PHF14: variants seen among roughly 807,000 people sequenced by gnomAD.
The protein encoded by PHF14 is PHD finger protein 14.
A neutral mutation model predicts 117.9 loss-of-function variants in PHF14; 55 were observed. The observed-to-expected ratio is 0.47, with a 90% CI of 0.38 to 0.58. The LOEUF is 0.58. Ranked by LOEUF, PHF14 falls within the 20% of genes least tolerant of loss-of-function variation. PHF14 has a pLI of 0.00. For synonymous variants in PHF14, 409 were observed against 368.6 expected (o/e 1.11, Z -1.26); for missense variants, 978 against 1,122.2 (o/e 0.87, Z 1.84).
At chr7:11,070,501 T>C (rs1341248154) in intron 16 of PHF14, among the ~76,000 whole-genome samples, 2 of 152,228 alleles carry the variant, frequency 1.3e-5, no homozygotes, top group Non-Finnish European at 2.9e-5. Flanking sequence ...TGTAACTATT[T>C]GCATAGGACT....
chr7:11,049,390 G>A (rs1032916626), intron 13 of PHF14, among the ~76,000 whole-genome samples: 3 of 151,140 alleles, frequency 2.0e-5, no homozygotes, highest in Non-Finnish European at 4.4e-5. Context: ...CAGGAGAATC[G>A]CTTGAATGGG....
intron 5 of PHF14, chr7:11,014,892 T>A (rs955473850): frequency 1.3e-5 from 2 of 152,004 alleles, no homozygotes; most frequent in African/African-American, 2.4e-5. Flanking sequence ...TTCCATGTTT[T>A]TTTTTTTTTT....
intron 2 of PHF14, 50 bp from the exon 3 acceptor site, chr7:10,982,321 TG>T: frequency 8.6e-7 from 1 of 1,166,522 alleles, no homozygotes; most frequent in Non-Finnish European, 1.2e-6. Context: ...TGTGTGTGTG[TG>T]TGTATGTATA....
intron 17 of PHF14, among the ~76,000 whole-genome samples, chr7:11,118,753 G>C (rs554426332): frequency 9.6e-4 from 146 of 151,878 alleles, no homozygotes; most frequent in Admixed American, 1.8e-3. Context: ...ATTGGAATCA[G>C]TATTGATCTG....
At chr7:11,058,725 AT>A (rs1488819853) in intron 14 of PHF14, among the ~76,000 whole-genome samples, 1 of 152,152 alleles carries the variant, frequency 6.6e-6, no homozygotes, top group East Asian at 1.9e-4. Context: ...GCAATAAGAG[AT>A]TTGCATTCTG....
chr7:11,051,868 T>A, intron 14 of PHF14, 88 bp downstream of exon 14: 1 of 1,080,326 alleles, frequency 9.3e-7, no homozygotes, highest in Non-Finnish European at 1.3e-6. Flanking sequence ...AAACATATAC[T>A]CAGAAGTCAA....
intron 4 of PHF14, among the ~76,000 whole-genome samples, chr7:11,008,388 C>T (rs1054471526): frequency 5.3e-5 from 8 of 152,266 alleles, no homozygotes; most frequent in African/African-American, 1.9e-4. Flanking sequence ...CTGTTAGGAA[C>T]TGGGCCTCAC....
At chr7:11,167,378 G>C (rs2128358782) in intron 17 of PHF14, among the ~76,000 whole-genome samples, 1 of 152,266 alleles carries the variant, frequency 6.6e-6, no homozygotes. Context: ...ATTGCTAGAA[G>C]TGTGAGTACT....
At chr7:11,166,155 A>G (rs776497635) in intron 17 of PHF14, among the ~76,000 whole-genome samples, 1 of 152,202 alleles carries the variant, frequency 6.6e-6, no homozygotes, top group Non-Finnish European at 1.5e-5. Flanking sequence ...AAACATTAAG[A>G]GGTAAGCCTG....
intron 17 of PHF14, among the ~76,000 whole-genome samples, chr7:11,149,263 A>T (rs1028630868): frequency 6.6e-6 from 1 of 152,178 alleles, no homozygotes; most frequent in Non-Finnish European, 1.5e-5. Context: ...TTGATTTGCC[A>T]TCATTTAATC....
intron 17 of PHF14, among the ~76,000 whole-genome samples, chr7:11,113,781 T>C (rs964627129): frequency 1.3e-5 from 2 of 152,186 alleles, no homozygotes; most frequent in Admixed American, 1.3e-4. Flanking sequence ...TTCTGAAAGA[T>C]GTTTGCTAGT....
At chr7:11,157,362 A>G (rs1429771529) in intron 17 of PHF14, among the ~76,000 whole-genome samples, 1 of 150,538 alleles carries the variant, frequency 6.6e-6, no homozygotes, top group Non-Finnish European at 1.5e-5. Flanking sequence ...TATTTGATCA[A>G]TACAATAAAG....
chr7:11,122,335 A>ATG (rs2128346238), intron 17 of PHF14, among the ~76,000 whole-genome samples: 1 of 88,746 alleles, frequency 1.1e-5, no homozygotes, highest in South Asian at 3.5e-4. Flanking sequence ...TACTTTTTAT[A>ATG]TATATATATA....
intron 6 of PHF14, among the ~76,000 whole-genome samples, chr7:11,025,358 G>T (rs962630782): frequency 6.6e-6 from 1 of 152,200 alleles, no homozygotes; most frequent in African/African-American, 2.4e-5. Context: ...GATTAAGCAG[G>T]AAGAGGGTTT....
In PHF14 at chr7:11,061,837, A is replaced by C. The variant is rs780754100; in HGVS notation, c.2528A>C (p.His843Pro). The change falls in exon 15 of 18, where the codon CAT becomes CCT. Residue 843 changes from histidine (H) to proline (P), a missense_variant. By Grantham distance (77) the His-to-Pro change is moderately conservative. Coordinates refer to ENST00000634607, the MANE Select transcript of PHF14 (RefSeq NM_001007157.2). ...AGCTTCGTTCCTGAGGAAGAAAAACATGAGGTTGGAATAAGTTAAGCACTT... is the reference window on the plus strand; with the variant it reads ...AGCTTCGTTCCTGAGGAAGAAAAACCTGAGGTTGGAATAAGTTAAGCACTT... ...KRSFVPEEEK[H>P]EERVPRERRQ... 6.5e-7 allele frequency: 1 copy of C among 1,529,566 alleles called. No homozygotes were observed. Among genetic ancestry groups the C allele is most frequent in the Non-Finnish European group, 8.8e-7 (1 of 1,138,920 alleles). The allele number at this position is 1,529,566 out of a possible 1,614,324, so 94.7% of individuals were successfully genotyped here.
chr7:10,990,645 A>T, intron 3 of PHF14, 58 bp from the exon 4 acceptor site: 2 of 1,069,498 alleles, frequency 1.9e-6, no homozygotes, highest in South Asian at 1.6e-5. Context: ...TTTAGTGATT[A>T]AGTTTTTTTT....
intron 4 of PHF14, among the ~76,000 whole-genome samples, chr7:10,996,698 A>C (rs1782661886): frequency 6.6e-6 from 1 of 152,218 alleles, no homozygotes; most frequent in African/African-American, 2.4e-5. Context: ...TAACTCATTT[A>C]GGCTGGGGTT....
intron 17 of PHF14, among the ~76,000 whole-genome samples, chr7:11,131,253 CA>C (rs1335409520): frequency 5.3e-5 from 8 of 151,826 alleles, no homozygotes; most frequent in Non-Finnish European, 1.2e-4. Flanking sequence ...AACTGTCTTC[CA>C]AAATGGCAGT....
intron 17 of PHF14, among the ~76,000 whole-genome samples, chr7:11,153,948 CGTGTGTGT>C (rs10593375): frequency 1.3e-5 from 2 of 149,276 alleles, no homozygotes; most frequent in Admixed American, 1.3e-4. Flanking sequence ...TCTGTGTGTG[CGTGTGTGT>C]GTGTGTGTGT....
Sources: allele counts gnomAD v4.1 joint callset (sites outside exome capture counted in the v4.1 genomes callset), GRCh38; gene constraint gnomAD v4.1.1; transcripts MANE v1.5; gene names NCBI Gene and HGNC (gene_info 2026-07-23, HGNC 2026-07-21).